Variants in TRPC1 observed in about 807,000 individuals in gnomAD.
The protein encoded by TRPC1 is transient receptor potential cation channel subfamily C member 1, also known as short transient receptor potential channel 1.
TRPC1 carries 42 observed loss-of-function variants against 88.2 expected under a neutral mutation model. That is an observed-to-expected ratio of 0.48 (90% CI 0.37 to 0.62). The LOEUF (loss-of-function observed/expected upper bound fraction) is 0.62, where lower values mean the gene tolerates loss of function less well. Ranked by LOEUF, TRPC1 falls within the 20% of genes least tolerant of loss-of-function variation. The pLI is 0.00. For missense variants in TRPC1, 699 were observed against 957.3 expected (o/e 0.73, Z 3.56); for synonymous variants, 288 against 331.8 (o/e 0.87, Z 1.43).
intron 4 of TRPC1, among the ~76,000 whole-genome samples, chr3:142,751,890 A>G (rs1355967366): frequency 6.6e-6 from 1 of 152,220 alleles, no homozygotes; most frequent in Non-Finnish European, 1.5e-5. Flanking sequence ...AGTCTATTTT[A>G]CAAAGAGATC....
chr3:142,756,138 C>A (rs56062708), intron 4 of TRPC1, among the ~76,000 whole-genome samples: 10,656 of 152,096 alleles, frequency 0.07, 1,213 homozygotes, highest in African/African-American at 0.24. Context: ...TATAGTACCA[C>A]CTTTTATTTA....
chr3:142,743,699 A>AT, intron 3 of TRPC1, 113 bp downstream of exon 3: 5 of 567,436 alleles, frequency 8.8e-6, no homozygotes, highest in Non-Finnish European at 1.4e-5. Context: ...AAAAATAGAT[A>AT]TTTTTTCTCA....
chr3:142,775,478 G>C (rs1014184498), intron 4 of TRPC1, among the ~76,000 whole-genome samples: 1 of 152,134 alleles, frequency 6.6e-6, no homozygotes, highest in Non-Finnish European at 1.5e-5. Flanking sequence ...AATTAGCCAG[G>C]TGTGGTGGCA....
At chr3:142,762,461 G>T (rs1290204486) in intron 4 of TRPC1, among the ~76,000 whole-genome samples, 1 of 119,966 alleles carries the variant, frequency 8.3e-6, no homozygotes, top group Non-Finnish European at 1.6e-5. Context: ...ACGGAGTCTC[G>T]CTTTGTCACC....
intron 5 of TRPC1, among the ~76,000 whole-genome samples, chr3:142,777,998 T>C (rs1447027704): frequency 2.0e-5 from 3 of 152,102 alleles, no homozygotes; most frequent in African/African-American, 7.2e-5. Context: ...TTTAATCTCT[T>C]CCCCACTTTT....
chr3:142,740,911 A>G (rs966735290), intron 2 of TRPC1, among the ~76,000 whole-genome samples: 19 of 152,248 alleles, frequency 1.2e-4, no homozygotes, highest in Non-Finnish European at 2.2e-4. Context: ...TTAGACTGGT[A>G]TTTCTGCAAA....
At chr3:142,739,022 A>C (rs1320550470) in intron 2 of TRPC1, among the ~76,000 whole-genome samples, 28 of 152,044 alleles carry the variant, frequency 1.8e-4, no homozygotes, top group Admixed American at 1.8e-3. Context: ...CCCAGGCTGG[A>C]GTGCAATGGC....
intron 4 of TRPC1, among the ~76,000 whole-genome samples, chr3:142,766,425 G>C (rs894492928): frequency 8.7e-5 from 13 of 150,148 alleles, no homozygotes; most frequent in South Asian, 2.1e-4. Context: ...TTTTGAGATG[G>C]AGTCTCACTG....
In TRPC1 at chr3:142,804,530, T is replaced by C. The variant is rs767209106; in HGVS notation, c.2054T>C (p.Ile685Thr). 7.4e-6 allele frequency: 12 copies of C among 1,613,718 alleles called. No homozygotes were observed. In the Admixed American group the frequency reaches 1.7e-4, roughly 22 times the overall value. Residue 685 changes from isoleucine to threonine, a missense_variant, in exon 12 of 13, where the codon ATT (isoleucine) becomes ACT (threonine). Coordinates refer to ENST00000476941, the MANE Select transcript of TRPC1 (RefSeq NM_001251845.2). Reference sequence around the variant, plus strand: ...ACGTTACCTCCACCTTTCAACATCATTCCCTCACCAAAGACTATCTGCTAT... The same window carrying C: ...ACGTTACCTCCACCTTTCAACATCACTCCCTCACCAAAGACTATCTGCTAT... ...KCTLPPPFNI[I>T]PSPKTICYMI...
chr3:142,800,057 A>G (rs959564402), intron 9 of TRPC1, among the ~76,000 whole-genome samples: 19 of 152,156 alleles, frequency 1.2e-4, no homozygotes, highest in African/African-American at 4.6e-4. Context: ...AAAAGCAGTT[A>G]CTGTATTCTT....
At chr3:142,793,841 G>T in intron 9 of TRPC1, 28 of 984,308 alleles carry the variant, frequency 2.8e-5, no homozygotes, top group Non-Finnish European at 3.4e-5. Context: ...TCCAAACAGG[G>T]ATATGAAAAT....
chr3:142,807,059 T>C lies in TRPC1; in HGVS notation c.*824T>C, dbSNP rs1026704012. The stretch of plus-strand genomic sequence containing the variant: ...CTACTTCTCGACATTTGGTTTGTTT[T>C]AATTTTTTTGTATCATAATAGTCCT... On this transcript the variant is annotated 3_prime_UTR_variant, in exon 13 of 13. Transcript: ENST00000476941. 1 of 152,160 alleles carries C rather than the reference T, an allele frequency of 6.6e-6. No individual in the cohort carries two copies. Among genetic ancestry groups the C allele is most frequent in the African/African-American group, 2.4e-5 (1 of 41,462 alleles). 9.4% of individuals were successfully genotyped at this position (152,160 alleles called of 1,614,324 possible). A position where few individuals can be genotyped will look rare whatever the true frequency, so the allele number is the denominator to read the frequency against.
At position 142,725,843 on chromosome 3, in the gene TRPC1, A is replaced by C. The variant is rs556826309; in HGVS notation, c.172+1112A>C. Among the ~76,000 whole-genome samples the C allele has an allele frequency of 5.9e-5, 9 of 152,320 alleles. No individual in the cohort carries two copies. In the East Asian group the frequency reaches 1.7e-3, roughly 29 times the overall value. On this transcript the variant is annotated intron_variant, in intron 1 of 12. Coordinates refer to ENST00000476941, the MANE Select transcript of TRPC1 (RefSeq NM_001251845.2). ...TCCTAACCTCTCCTCCTGCTTTTGA[A>C]ATAGGATTTTATTTACATGATTTTT...
At chr3:142,799,811 T>C (rs1047351178) in intron 9 of TRPC1, among the ~76,000 whole-genome samples, 23 of 152,232 alleles carry the variant, frequency 1.5e-4, no homozygotes, top group African/African-American at 5.3e-4. Context: ...TAAAAATTTC[T>C]TTTTAAATTT....
intron 10 of TRPC1, among the ~76,000 whole-genome samples, chr3:142,803,038 A>G (rs1378449621): frequency 1.2e-4 from 19 of 152,234 alleles, no homozygotes; most frequent in Admixed American, 1.2e-3. Flanking sequence ...CAAATGAAGT[A>G]TTAGTAAACA....
chr3:142,785,696 T>C (rs1270284959), intron 7 of TRPC1, among the ~76,000 whole-genome samples: 1 of 152,156 alleles, frequency 6.6e-6, no homozygotes, highest in Non-Finnish European at 1.5e-5. Context: ...AGATGGGGTT[T>C]CACTTCATTG....
chr3:142,735,891 G>A (rs1934116246), intron 1 of TRPC1, among the ~76,000 whole-genome samples: 1 of 151,912 alleles, frequency 6.6e-6, no homozygotes, highest in Non-Finnish European at 1.5e-5. Flanking sequence ...TTTCCAAAGT[G>A]TTTTCTCCTG....
At chr3:142,737,167 C>T (rs946761588) in intron 2 of TRPC1, among the ~76,000 whole-genome samples, 11 of 150,238 alleles carry the variant, frequency 7.3e-5, no homozygotes, top group African/African-American at 2.7e-4. Flanking sequence ...TAATATTTTC[C>T]TTTCCTTTTT....
At chr3:142,781,107 A>G (rs1935944735) in intron 6 of TRPC1, 78 bp downstream of exon 6, 5 of 1,219,306 alleles carry the variant, frequency 4.1e-6, no homozygotes, top group African/African-American at 1.5e-5. Flanking sequence ...CTTTGGAGTA[A>G]CTCATCTGGG....
Sources: allele counts gnomAD v4.1 joint callset (sites outside exome capture counted in the v4.1 genomes callset), GRCh38; gene constraint gnomAD v4.1.1; transcripts MANE v1.5; gene names NCBI Gene and HGNC (gene_info 2026-07-23, HGNC 2026-07-21).